The following CALN1 variants were observed in gnomAD, a reference collection of about 807,000 sequenced individuals.
CALN1 encodes the protein calneuron 1, also known as calcium-binding protein 8.
CALN1 carries 17 observed loss-of-function variants against 30.6 expected under a neutral mutation model. The ratio of observed to expected loss-of-function variants is 0.56; its 90% confidence interval spans 0.38 to 0.83. CALN1 has a LOEUF of 0.83. Ranked by LOEUF, CALN1 falls within the 40% of genes least tolerant of loss-of-function variation. The pLI, the probability that CALN1 is intolerant of heterozygous loss-of-function variation, is 0.00. For missense variants in CALN1, 291 were observed against 354.9 expected (o/e 0.82, Z 1.45); for synonymous variants, 156 against 131.4 (o/e 1.19, Z -1.28).
intron 5 of CALN1, among the ~76,000 whole-genome samples, chr7:71,980,477 A>G (rs1798337534): frequency 6.6e-6 from 1 of 152,206 alleles, no homozygotes; most frequent in Non-Finnish European, 1.5e-5. Flanking sequence ...GGTGTGAGCC[A>G]CCACGCCCAG....
At chr7:72,073,066 T>C (rs1804508125) in intron 4 of CALN1, among the ~76,000 whole-genome samples, 1 of 152,144 alleles carries the variant, frequency 6.6e-6, no homozygotes, top group South Asian at 2.1e-4. Context: ...TCAGTCAATC[T>C]AAAAAAGGAA....
intron 3 of CALN1, among the ~76,000 whole-genome samples, chr7:72,207,429 A>G (rs1203059863): frequency 6.6e-6 from 1 of 152,112 alleles, no homozygotes; most frequent in African/African-American, 2.4e-5. Flanking sequence ...TTTTCTTGAG[A>G]GCACTTACAA....
At chr7:71,932,652 A>G (rs1795615092) in intron 5 of CALN1, among the ~76,000 whole-genome samples, 1 of 151,792 alleles carries the variant, frequency 6.6e-6, no homozygotes, top group Non-Finnish European at 1.5e-5. Context: ...TCTCTACTAA[A>G]AATACAAAAA....
At chr7:72,321,533 G>C (rs765611142) in intron 2 of CALN1, among the ~76,000 whole-genome samples, 18 of 152,194 alleles carry the variant, frequency 1.2e-4, no homozygotes, top group Admixed American at 3.9e-4. Context: ...TGTTTTGCGT[G>C]AAGTGGGGCA....
chr7:72,075,182 C>G (rs375028873), intron 4 of CALN1, among the ~76,000 whole-genome samples: 23 of 152,302 alleles, frequency 1.5e-4, no homozygotes, highest in African/African-American at 5.5e-4. Flanking sequence ...TTGTTCAGTT[C>G]AGAACTTCAA....
At chr7:72,360,992 G>T (rs1170485261) in intron 2 of CALN1, among the ~76,000 whole-genome samples, 1 of 152,034 alleles carries the variant, frequency 6.6e-6, no homozygotes, top group Non-Finnish European at 1.5e-5. Flanking sequence ...CTCCAAAAGT[G>T]CTGGGATTAC....
intron 6 of CALN1, among the ~76,000 whole-genome samples, chr7:71,800,305 G>A (rs1175522003): frequency 6.6e-6 from 1 of 152,174 alleles, no homozygotes; most frequent in Non-Finnish European, 1.5e-5. Context: ...GGGTCACACA[G>A]CTAGTTGGCA....
intron 3 of CALN1, among the ~76,000 whole-genome samples, chr7:72,151,434 CA>C (rs1334911990): frequency 1.3e-5 from 2 of 152,142 alleles, no homozygotes; most frequent in African/African-American, 4.8e-5. Flanking sequence ...TCGATTATCT[CA>C]GTAAAGATCC....
At chr7:71,957,607 A>C (rs987661137) in intron 5 of CALN1, among the ~76,000 whole-genome samples, 1 of 152,206 alleles carries the variant, frequency 6.6e-6, no homozygotes, top group African/African-American at 2.4e-5. Flanking sequence ...TTCAGTTCTC[A>C]GACAGATTAA....
At chr7:72,098,137 C>T (rs779465762) in intron 4 of CALN1, among the ~76,000 whole-genome samples, 1 of 152,060 alleles carries the variant, frequency 6.6e-6, no homozygotes, top group Non-Finnish European at 1.5e-5. Flanking sequence ...TCTCAAGGAG[C>T]CTGGTGGAAA....
At position 72,259,109 on chromosome 7, in the gene CALN1, T is replaced by G. The variant is rs1212603555; in HGVS notation, c.244+19577A>C. Among the ~76,000 whole-genome samples the G allele has an allele frequency of 3.3e-5, 5 of 150,982 alleles. No homozygotes were observed. In the South Asian group the frequency reaches 6.3e-4, roughly 19 times the overall value. On this transcript the variant is annotated intron_variant, in intron 3 of 6. Transcript: ENST00000395275. ...TTAAAATATATTATTTATATATATA[T>G]ATATGTATGCATCAAAAAAAGATAT...
intron 4 of CALN1, among the ~76,000 whole-genome samples, chr7:72,099,601 C>T (rs1256039623): frequency 3.3e-5 from 5 of 151,986 alleles, no homozygotes; most frequent in South Asian, 4.1e-4. Flanking sequence ...CTTCAAGACA[C>T]GCACTTCAAC....
chr7:72,503,557 A>G, the CALN1 span, among the ~76,000 whole-genome samples: 2 of 151,750 alleles, frequency 1.3e-5, no homozygotes, highest in East Asian at 3.9e-4. Flanking sequence ...TGCAAGCTTG[A>G]GTTTCTCTTT....
intron 3 of CALN1, among the ~76,000 whole-genome samples, chr7:72,125,164 G>A (rs973630021): frequency 1.3e-4 from 20 of 152,010 alleles, no homozygotes; most frequent in Admixed American, 1.3e-3. Context: ...AAATACCTGG[G>A]ACTACTCCCA....
Position 72,273,247 on chromosome 7 carries a change from C to T in CALN1, c.244+5439G>A, listed in dbSNP as rs930867598. On this transcript the variant is annotated intron_variant, in intron 3 of 6. Coordinates refer to ENST00000395275, the MANE Select transcript of CALN1 (RefSeq NM_031468.4). ...AGGAGTTCGAGACCAGCCTCGACTA[C>T]CCTGTCTCTACTAAAATTACAAAAA... Among the ~76,000 whole-genome samples, 4 of 152,086 alleles carry T rather than the reference C, an allele frequency of 2.6e-5. 1 individual carries two copies. The highest frequency in any genetic ancestry group is 1.5e-5 in the Non-Finnish European group (1 of 67,974).
chr7:72,222,332 C>G (rs1215234720), intron 3 of CALN1, among the ~76,000 whole-genome samples: 1 of 152,184 alleles, frequency 6.6e-6, no homozygotes, highest in Non-Finnish European at 1.5e-5. Flanking sequence ...TGCTTGGCTT[C>G]TGGCCAGGCC....
intron 4 of CALN1, among the ~76,000 whole-genome samples, chr7:72,078,244 G>C (rs17144322): frequency 0.021 from 3,237 of 152,136 alleles, 102 homozygotes; most frequent in African/African-American, 0.073. Context: ...TATCCTCATA[G>C]AGTGGTTTAC....
intron 5 of CALN1, among the ~76,000 whole-genome samples, chr7:71,947,002 TTTG>T (rs765718540): frequency 5.9e-5 from 9 of 151,920 alleles, no homozygotes; most frequent in South Asian, 2.1e-4. Context: ...GAGTTGTGTT[TTTG>T]TTGTTGTTGT....
At chr7:72,148,680 G>A (rs539355699) in intron 3 of CALN1, among the ~76,000 whole-genome samples, 37 of 152,132 alleles carry the variant, frequency 2.4e-4, no homozygotes, top group African/African-American at 7.7e-4. Context: ...TGAGGCAGGC[G>A]GATCACCTGA....
Sources: allele counts gnomAD v4.1 joint callset (sites outside exome capture counted in the v4.1 genomes callset), GRCh38; gene constraint gnomAD v4.1.1; transcripts MANE v1.5; gene names NCBI Gene and HGNC (gene_info 2026-07-23, HGNC 2026-07-21).